ERG: variants seen among roughly 807,000 people sequenced by gnomAD.
ERG encodes ETS transcription factor ERG, also known as transcriptional regulator ERG.
A neutral mutation model predicts 55.3 loss-of-function variants in ERG; 9 were observed. That is an observed-to-expected ratio of 0.16 (90% CI 0.10 to 0.28). The LOEUF (loss-of-function observed/expected upper bound fraction) is 0.28, where lower values mean the gene tolerates loss of function less well. Among genes scored for constraint, ERG ranks in the 10% least tolerant of loss-of-function variants. The probability of loss-of-function intolerance (pLI) is 1.00; values close to 1 mark genes in which losing one functional copy is unlikely to be tolerated. For synonymous variants in ERG, 223 were observed against 237.3 expected, an observed-to-expected ratio of 0.94 and a Z score of 0.55; for missense variants, 434 against 631.6, an observed-to-expected ratio of 0.69 and a Z score of 3.35.
At chr21:38,601,007 G>C (rs1029976798) in intron 1 of ERG, among the ~76,000 whole-genome samples, 2 of 152,096 alleles carry the variant, frequency 1.3e-5, no homozygotes, top group African/African-American at 4.8e-5. Flanking sequence ...TTCTCTCTGG[G>C]CATTACAATC....
intron 3 of ERG, among the ~76,000 whole-genome samples, chr21:38,419,558 ACT>A (rs143213608): frequency 0.035 from 5,359 of 152,076 alleles, 131 homozygotes; most frequent in East Asian, 0.081. Flanking sequence ...TCCTGGTTTT[ACT>A]CTCTCTGTTC....
At position 38,460,306 on chromosome 21, in the gene ERG, GACT is replaced by G. The variant is rs895461222; in HGVS notation, c.19-14688_19-14686del. Among the ~76,000 whole-genome samples, 1 of 152,188 alleles carries G rather than the reference GACT, an allele frequency of 6.6e-6. No individual in the cohort carries two copies. The highest frequency in any genetic ancestry group is 1.5e-5 in the Non-Finnish European group (1 of 68,036). The stretch of plus-strand genomic sequence containing the variant: ...AGGCCATGGCAGGAACCTGGGTGTT[GACT>G]CAGAGAGAAGTGGAGTCTCTCTAGC... On this transcript the variant is annotated intron_variant, in intron 1 of 9. Coordinates refer to ENST00000288319, the MANE Select transcript of ERG (RefSeq NM_182918.4). The surrounding 1 kb of genome is among the most constrained non-coding windows in gnomAD (Gnocchi z 5.0).
intron 2 of ERG, among the ~76,000 whole-genome samples, chr21:38,424,760 T>G (rs1989740914): frequency 6.6e-6 from 1 of 152,120 alleles, no homozygotes; most frequent in Admixed American, 6.5e-5. Flanking sequence ...AGACTCACAG[T>G]GTTCCAGGCT....
intron 2 of ERG, among the ~76,000 whole-genome samples, chr21:38,571,852 G>C (rs1404954116): frequency 6.6e-6 from 1 of 152,134 alleles, no homozygotes; most frequent in Non-Finnish European, 1.5e-5. Context: ...AAGATGAAAG[G>C]AATGTTCCTC....
chr21:38,407,573 C>T (rs1430967005), intron 3 of ERG, among the ~76,000 whole-genome samples: 2 of 148,240 alleles, frequency 1.3e-5, no homozygotes, highest in African/African-American at 5.0e-5. Context: ...ACTTGGGTTA[C>T]AAATTATTTA....
chr21:38,507,974 CAGAGACACACAG>C (rs2059477023), intron 2 of ERG, among the ~76,000 whole-genome samples: 2 of 708 alleles, frequency 2.8e-3, no homozygotes, highest in Non-Finnish European at 6.9e-3. Context: ...TGCACACACA[CAGAGACACACAG>C]ACACACACAC....
intron 2 of ERG, among the ~76,000 whole-genome samples, chr21:38,539,560 T>C (rs1408928153): frequency 6.6e-6 from 1 of 152,186 alleles, no homozygotes; most frequent in Non-Finnish European, 1.5e-5. Context: ...TTTTTAAGCA[T>C]GAGAAGACAG....
intron 2 of ERG, among the ~76,000 whole-genome samples, chr21:38,436,672 AT>A (rs1241867615): frequency 1.3e-5 from 2 of 152,236 alleles, no homozygotes; most frequent in African/African-American, 2.4e-5. Flanking sequence ...AATATGTTGT[AT>A]ACCAAAATCT....
At position 38,460,583 on chromosome 21, in the gene ERG, G is replaced by T. The variant is rs987922620; in HGVS notation, c.19-14962C>A. Among the ~76,000 whole-genome samples the T allele has an allele frequency of 1.3e-5, 2 of 152,138 alleles. No homozygotes were observed. Among genetic ancestry groups the T allele is most frequent in the African/African-American group, 4.8e-5 (2 of 41,424 alleles). ...ATTCATCATCACATGCAGAAACTCT[G>T]GGAACTGAGAATCTGTACTTTTCAT... On this transcript the variant is annotated intron_variant, in intron 1 of 9. Transcript: ENST00000288319. The surrounding 1 kb of genome is among the most constrained non-coding windows in gnomAD (Gnocchi z 5.0).
chr21:38,524,798 T>A (rs1568882114), intron 2 of ERG, among the ~76,000 whole-genome samples: 1 of 152,334 alleles, frequency 6.6e-6, no homozygotes, highest in East Asian at 1.9e-4. Context: ...AGTAACAGTG[T>A]CCTTTATTCT....
At chr21:38,493,392 T>C (rs1400301658) in intron 1 of ERG, among the ~76,000 whole-genome samples, 4 of 152,304 alleles carry the variant, frequency 2.6e-5, no homozygotes, top group South Asian at 2.1e-4. Context: ...GGTAGGTAGA[T>C]ACAAGGCCAA....
At chr21:38,501,061 C>CTTTTTT (rs34639260), upstream of ERG, among the ~76,000 whole-genome samples, 2 of 81,186 alleles carry the variant, frequency 2.5e-5, no homozygotes, top group East Asian at 3.8e-4. Context: ...CAAGGCACAT[C>CTTTTTT]TTTTTTTTTT....
At chr21:38,601,466 T>G (rs973640215) in intron 1 of ERG, among the ~76,000 whole-genome samples, 1 of 152,054 alleles carries the variant, frequency 6.6e-6, no homozygotes, top group Non-Finnish European at 1.5e-5. Context: ...AATAGAGAGA[T>G]AAATGAATAA....
At chr21:38,587,520 G>A (rs958499663), upstream of ERG, among the ~76,000 whole-genome samples, 22 of 152,128 alleles carry the variant, frequency 1.4e-4, no homozygotes, top group African/African-American at 3.9e-4. Flanking sequence ...CACCACACCC[G>A]GCTAATTTTT....
chr21:38,605,719 T>C (rs572586623), intron 1 of ERG, among the ~76,000 whole-genome samples: 19 of 152,280 alleles, frequency 1.2e-4, no homozygotes, highest in Non-Finnish European at 1.9e-4. Context: ...CTGGAACCTT[T>C]CCTAGCAAAA....
intron 3 of ERG, among the ~76,000 whole-genome samples, chr21:38,411,838 T>C (rs1453939479): frequency 1.3e-5 from 2 of 152,242 alleles, no homozygotes; most frequent in African/African-American, 4.8e-5. Flanking sequence ...CTTGACTATT[T>C]CTTTTTGCAG....
intron 1 of ERG, among the ~76,000 whole-genome samples, chr21:38,660,820 C>G (rs2060549856): frequency 6.6e-6 from 1 of 151,348 alleles, no homozygotes; most frequent in Non-Finnish European, 1.5e-5. Flanking sequence ...GCCAGGTGCG[C>G]GTGGGTGCGA....
At position 38,609,052 on chromosome 21, in the gene ERG, T is replaced by G. The variant is rs541134668; in HGVS notation, c.-149-24107A>C. ...AGTGTCTTTCTTGGGGACAAGGGGA[T>G]GGTAAAAGAACCTACAATCCATGTA... On this transcript the variant is annotated intron_variant, in intron 1 of 10. Transcript: ENST00000398910. Among the ~76,000 whole-genome samples the G allele has an allele frequency of 4.6e-5, 7 of 152,278 alleles. No homozygotes were observed. In the South Asian group the frequency reaches 1.5e-3, roughly 32 times the overall value.
intron 1 of ERG, among the ~76,000 whole-genome samples, chr21:38,464,145 C>G (rs2059068034): frequency 6.6e-6 from 1 of 152,060 alleles, no homozygotes; most frequent in African/African-American, 2.4e-5. Flanking sequence ...AAATATTAAA[C>G]AACTATTTGT....
Sources: gnomAD v4.1 joint callset for allele counts (sites outside exome capture counted in the v4.1 genomes callset) on GRCh38, gnomAD v4.1.1 for gene constraint, Gnocchi (gnomAD v3.1) non-coding constraint, MANE v1.5 for transcripts, NCBI Gene and HGNC (gene_info 2026-07-23, HGNC 2026-07-21) for gene names.